NLRP12: variants seen among roughly 807,000 people sequenced by gnomAD.
The protein encoded by NLRP12 is NLR family pyrin domain containing 12, also known as NACHT, LRR and PYD domains-containing protein 12.
Under a neutral mutation model 91.2 loss-of-function variants are expected in NLRP12, and 108 were observed. That is an observed-to-expected ratio of 1.18 (90% CI 1.01 to 1.39). NLRP12 has a LOEUF of 1.39. Ranked by LOEUF, NLRP12 falls within the 40% of genes most tolerant of loss-of-function variation. The pLI is 0.00. For synonymous variants in NLRP12, 613 were observed against 566.7 expected (o/e 1.08, Z -1.16); for missense variants, 1,530 against 1,352.7 (o/e 1.13, Z -2.06).
In NLRP12 at chr19:53,793,747, G is replaced by A. The variant is rs1021849440; in HGVS notation, c.*302C>T. The A allele has an allele frequency of 1.4e-5, 6 of 440,396 alleles. No individual in the cohort carries two copies. The highest frequency in any genetic ancestry group is 1.0e-4 in the African/African-American group (5 of 49,926). The allele number at this position is 440,396 out of a possible 1,614,324, so 27.3% of individuals were successfully genotyped here. A position where few individuals can be genotyped will look rare whatever the true frequency, so the allele number is the denominator to read the frequency against. On this transcript the variant is annotated 3_prime_UTR_variant, in exon 10 of 10. Transcript: ENST00000324134. ...CTACAGGTGCCCGCCACCATGCCTGGCTAATTTTTTTTTATTTTTAGTAGA... is the reference window on the plus strand; with the variant it reads ...CTACAGGTGCCCGCCACCATGCCTGACTAATTTTTTTTTATTTTTAGTAGA...
At position 53,795,868 on chromosome 19, in the gene NLRP12, C is replaced by G; in HGVS notation, c.3089G>C (p.Arg1030Pro). Residue 1030 changes from arginine to proline, a missense_variant, in exon 9 of 10, where the codon CGA (arginine) becomes CCA (proline). Physicochemically the swap from Arg to Pro is moderately radical, Grantham distance 103. Coordinates refer to ENST00000324134, the MANE Select transcript of NLRP12 (RefSeq NM_144687.4). The part of the protein sequence containing the change: ...KRLSHPGCKL[R>P]VLWLFGMDLN... ...GGTCATCATCCCTCACCAGAGGACT[C>G]GGAGTTTGCAGCCAGGATGGCTCAG... The G allele has an allele frequency of 6.2e-7, 1 of 1,614,004 alleles. No individual in the cohort carries two copies. The highest frequency in any genetic ancestry group is 2.2e-5 in the East Asian group (1 of 44,874).
chr19:53,797,034 TAA>T (rs2091776774), intron 8 of NLRP12, among the ~76,000 whole-genome samples: 2 of 152,028 alleles, frequency 1.3e-5, no homozygotes, highest in South Asian at 4.1e-4. Flanking sequence ...CATCCCATTC[TAA>T]GTCCTTCAGA....
chr19:53,800,461 A>G (rs1286964037), intron 7 of NLRP12, among the ~76,000 whole-genome samples: 2 of 152,160 alleles, frequency 1.3e-5, no homozygotes, highest in Non-Finnish European at 2.9e-5. Context: ...CTGTCTCAAA[A>G]TACAAAGTAA....
At chr19:53,804,208 T>G in intron 5 of NLRP12, 86 bp from the exon 6 acceptor site, 1 of 1,461,394 alleles carries the variant, frequency 6.8e-7, no homozygotes, top group Non-Finnish European at 9.4e-7. Flanking sequence ...ATTTTATTAT[T>G]TAGGAACAGG....
chr19:53,823,864 G>A (rs778702738), intron 1 of NLRP12, 22 bp downstream of exon 1: 2 of 1,613,260 alleles, frequency 1.2e-6, no homozygotes, highest in Non-Finnish European at 1.7e-6. Context: ...TTCTAGCCTT[G>A]CCTGTCCCGC....
At chr19:53,822,694 G>A (rs1330596364) in intron 1 of NLRP12, among the ~76,000 whole-genome samples, 5 of 143,756 alleles carry the variant, frequency 3.5e-5, no homozygotes, top group African/African-American at 1.0e-4. Flanking sequence ...CGGAGATTGC[G>A]CCACTGCACT....
chr19:53,819,787 G>T (rs928605207), intron 1 of NLRP12, among the ~76,000 whole-genome samples: 2 of 150,344 alleles, frequency 1.3e-5, no homozygotes, highest in Non-Finnish European at 3.0e-5. Flanking sequence ...CGGGATCTTG[G>T]CTCACCACAA....
At chr19:53,805,549 G>C in intron 4 of NLRP12, 99 bp from the exon 5 acceptor site, 1 of 1,310,194 alleles carries the variant, frequency 7.6e-7, no homozygotes, top group Non-Finnish European at 1.0e-6. Flanking sequence ...AGACAGAGTC[G>C]CTCTGTCACC....
At position 53,810,542 on chromosome 19, in the gene NLRP12, A is replaced by G. The variant is rs776188840; in HGVS notation, c.1117T>C (p.Tyr373His). ...LGFSEAERKE[Y>H]FYKYFHNAEQ... is the part of the protein sequence containing the mutation. ...GCATTGTGGAAATACTTGTAGAAGT[A>G]TTCCTTCCTTTCTGCCTCAGAGAAG... The change falls in exon 3 of 10, where the codon TAC (tyrosine) becomes CAC (histidine). Residue 373 changes from tyrosine (Y) to histidine (H), a missense_variant. By Grantham distance (83) the Tyr-to-His change is moderately conservative. Transcript: ENST00000324134. The G allele has an allele frequency of 3.7e-6, 6 of 1,614,158 alleles. No individual in the cohort carries two copies. Among genetic ancestry groups the G allele is most frequent in the Non-Finnish European group, 3.4e-6 (4 of 1,180,032 alleles).
intron 1 of NLRP12, among the ~76,000 whole-genome samples, chr19:53,823,480 ATATTTTAAAATATATT>A (rs1302133009): frequency 3.7e-5 from 4 of 108,022 alleles, no homozygotes; most frequent in Admixed American, 2.3e-4. Context: ...TTTAAAATAT[ATATTTTAAAATATATT>A]TATTTAAAAT....
rs1599843277 is a variant in NLRP12 at position 53,810,729 on chromosome 19, C to T, written c.930G>A (p.Trp310Ter). The T allele has an allele frequency of 6.2e-7, 1 of 1,613,954 alleles. No individual in the cohort carries two copies. The highest frequency in any genetic ancestry group is 1.6e-4 in the Middle Eastern group (1 of 6,062). Residue 310 changes from tryptophan to a stop codon, truncating the protein, a stop_gained, in exon 3 of 10, where the codon TGG becomes TGA. Transcript: ENST00000324134. LOFTEE classifies it high-confidence loss of function. ...KPSFHDPQGP[W>*]CLCWEEKRPT... ...GCCGTTTCTCCTCCCAGCAGAGGCACCAGGGTCCCTGAGGATCGTGGAAAG... is the reference window on the plus strand; with the variant it reads ...GCCGTTTCTCCTCCCAGCAGAGGCATCAGGGTCCCTGAGGATCGTGGAAAG...
Position 53,809,688 on chromosome 19 carries a change from G to A in NLRP12, c.1971C>T (p.Cys657=), listed in dbSNP as rs752450799. 2 of 1,614,130 alleles carry A rather than the reference G, an allele frequency of 1.2e-6. No homozygotes were observed. Among genetic ancestry groups the A allele is most frequent in the Non-Finnish European group, 1.7e-6 (2 of 1,180,020 alleles). The change falls in exon 3 of 10, where the codon TGC becomes TGT. Residue 657 remains cysteine, a synonymous_variant. Coordinates refer to ENST00000324134, the MANE Select transcript of NLRP12 (RefSeq NM_144687.4). ...HMVSSFCLKR[C]RSAQVLHLYG... ...ACAAGTGCAGCACCTGGGCGCTCCT[G>A]CAGCGCTTCAGACAGAACGAGGAGA...
chr19:53,809,580 T>C lies in NLRP12; in HGVS notation c.2072+7A>G. 6.4e-7 allele frequency: 1 copy of C among 1,559,242 alleles called. No individual in the cohort carries two copies. The highest frequency in any genetic ancestry group is 8.7e-7 in the Non-Finnish European group (1 of 1,143,636). Reference sequence around the variant, plus strand: ...GCAGCCCCAGGGGATACCCCAGGGATACTTACAGCTGCACCAACAGCGTGT... The same window carrying C: ...GCAGCCCCAGGGGATACCCCAGGGACACTTACAGCTGCACCAACAGCGTGT... On this transcript the variant is annotated splice_region_variant and intron_variant, in intron 3 of 9. Coordinates refer to ENST00000324134, the MANE Select transcript of NLRP12 (RefSeq NM_144687.4).
intron 2 of NLRP12, among the ~76,000 whole-genome samples, chr19:53,812,135 C>CA (rs1555797081): frequency 1.4e-5 from 2 of 145,154 alleles, no homozygotes; most frequent in Non-Finnish European, 3.0e-5. Flanking sequence ...GCTTCTCAAA[C>CA]TTTTTTTTTT....
chr19:53,795,932 CG>C lies in NLRP12; in HGVS notation c.3024del (p.Asn1008LysfsTer3). On this transcript the variant is annotated frameshift_variant, in exon 9 of 10. Coordinates refer to ENST00000324134, the MANE Select transcript of NLRP12 (RefSeq NM_144687.4). LOFTEE classifies it high-confidence loss of function. ...AGTCGGACACCTGTGTCCCCTAGGG[CG>C]TTGTTGGTCAGGTAAAGGTCGGTCA... is the stretch of plus-strand genomic sequence containing the variant. ...QTLTDLYLTN[N>X]ALGDTGVRLL... 6.2e-7 allele frequency: 1 copy of C among 1,614,118 alleles called. No individual in the cohort carries two copies. Among genetic ancestry groups the C allele is most frequent in the Non-Finnish European group, 8.5e-7 (1 of 1,180,034 alleles).
chr19:53,821,487 G>A (rs183192004), intron 1 of NLRP12, among the ~76,000 whole-genome samples: 14 of 152,130 alleles, frequency 9.2e-5, no homozygotes, highest in African/African-American at 2.6e-4. Context: ...GCTAACATAG[G>A]GAAACCCCGT....
At chr19:53,800,216 A>G (rs1226191918) in intron 7 of NLRP12, among the ~76,000 whole-genome samples, 1 of 151,772 alleles carries the variant, frequency 6.6e-6, no homozygotes, top group Non-Finnish European at 1.5e-5. Context: ...GAGGCAGGAG[A>G]ATGGTGTGAA....
At chr19:53,816,877 A>G (rs1294158671) in intron 1 of NLRP12, among the ~76,000 whole-genome samples, 1 of 151,620 alleles carries the variant, frequency 6.6e-6, no homozygotes, top group African/African-American at 2.4e-5. Flanking sequence ...GTTATCATTG[A>G]GAGGAAAGGG....
chr19:53,813,273 C>A, intron 2 of NLRP12, among the ~76,000 whole-genome samples: 1 of 144,872 alleles, frequency 6.9e-6, no homozygotes, highest in East Asian at 2.1e-4. Context: ...TCCCTGGCAA[C>A]TGCTATTCTT....
Sources: gnomAD v4.1 joint callset for allele counts (sites outside exome capture counted in the v4.1 genomes callset) on GRCh38, gnomAD v4.1.1 for gene constraint, MANE v1.5 for transcripts, NCBI Gene and HGNC (gene_info 2026-07-23, HGNC 2026-07-21) for gene names.